GTF2F2: variants seen among roughly 807,000 people sequenced by gnomAD.
The protein encoded by GTF2F2 is general transcription factor IIF subunit 2, also known as ATP-dependent helicase GTF2F2.
In GTF2F2, 23 loss-of-function variants were observed where a neutral mutation model predicts 42.2. The ratio of observed to expected loss-of-function variants is 0.55; its 90% CI spans 0.39 to 0.77. GTF2F2 has a LOEUF of 0.77. GTF2F2 is among the 30% of genes least tolerant of loss of function. The pLI is 0.00. For synonymous variants in GTF2F2, 105 were observed against 100.8 expected, an observed-to-expected ratio of 1.04 and a Z score of -0.25; for missense variants, 261 against 287.2, an observed-to-expected ratio of 0.91 and a Z score of 0.66.
At chr13:45,164,274 T>C (rs1871163096) in intron 4 of GTF2F2, among the ~76,000 whole-genome samples, 1 of 148,328 alleles carries the variant, frequency 6.7e-6, no homozygotes, top group Non-Finnish European at 1.5e-5. Flanking sequence ...AGTGAGACAG[T>C]CTCAAAAAAA....
intron 5 of GTF2F2, among the ~76,000 whole-genome samples, chr13:45,228,164 G>A (rs993647097): frequency 3.3e-5 from 5 of 151,138 alleles, no homozygotes; most frequent in South Asian, 2.1e-4. Context: ...CTCACACACC[G>A]TTCTTCCCTT....
chr13:45,183,488 CTTT>C (rs1255878994), intron 4 of GTF2F2, among the ~76,000 whole-genome samples: 11 of 152,086 alleles, frequency 7.2e-5, no homozygotes, highest in South Asian at 2.1e-4. Flanking sequence ...GGTAAAGGGA[CTTT>C]TTAATTCTTT....
At chr13:45,251,440 G>A (rs1482570163) in intron 5 of GTF2F2, among the ~76,000 whole-genome samples, 2 of 152,004 alleles carry the variant, frequency 1.3e-5, no homozygotes. Flanking sequence ...ACCATCCAAG[G>A]AATTATAGTA....
chr13:45,266,605 G>A lies in GTF2F2; in HGVS notation c.487-628G>A, dbSNP rs140319901. On this transcript the variant is annotated intron_variant, in intron 6 of 7. Coordinates refer to ENST00000340473, the MANE Select transcript of GTF2F2 (RefSeq NM_004128.3). ...AAAAGCACTACACGTTAGAGTTTTC[G>A]ATCAACACAAGATAACCAGTTAACC... 7.0e-4 allele frequency among the ~76,000 whole-genome samples: 107 copies of A among 152,236 alleles called. No individual in the cohort carries two copies. The East Asian group carries it at 0.015, about 22-fold the overall frequency.
At chr13:45,155,335 T>C (rs547109190) in intron 4 of GTF2F2, among the ~76,000 whole-genome samples, 1 of 152,368 alleles carries the variant, frequency 6.6e-6, no homozygotes, top group East Asian at 1.9e-4. Flanking sequence ...TATAGAACTG[T>C]ACCTGCTTTT....
At chr13:45,121,680 A>G (rs939628058) in intron 1 of GTF2F2, among the ~76,000 whole-genome samples, 1 of 152,234 alleles carries the variant, frequency 6.6e-6, no homozygotes, top group South Asian at 2.1e-4. Context: ...ACAGAATCAC[A>G]TTCCATGAGA....
At chr13:45,121,666 A>G (rs928220537) in intron 1 of GTF2F2, among the ~76,000 whole-genome samples, 2 of 152,194 alleles carry the variant, frequency 1.3e-5, no homozygotes, top group African/African-American at 4.8e-5. Flanking sequence ...TGTCTTTCCA[A>G]CACACAGAAT....
intron 6 of GTF2F2, among the ~76,000 whole-genome samples, chr13:45,266,017 C>A (rs756182881): frequency 3.3e-5 from 5 of 152,168 alleles, no homozygotes; most frequent in Non-Finnish European, 7.3e-5. Flanking sequence ...AGTAATAGAA[C>A]AGAACTTGCA....
chr13:45,263,084 G>A (rs887887157), intron 6 of GTF2F2, among the ~76,000 whole-genome samples: 1 of 152,170 alleles, frequency 6.6e-6, no homozygotes, highest in East Asian at 1.9e-4. Flanking sequence ...CAGTCCCTGA[G>A]GACATTAAAG....
At chr13:45,177,517 A>G (rs1436576955) in intron 4 of GTF2F2, among the ~76,000 whole-genome samples, 1 of 152,144 alleles carries the variant, frequency 6.6e-6, no homozygotes, top group Admixed American at 6.5e-5. Context: ...CAGCATACCC[A>G]TGCTGTATAT....
At chr13:45,196,056 T>C (rs547616177) in intron 4 of GTF2F2, among the ~76,000 whole-genome samples, 1 of 152,364 alleles carries the variant, frequency 6.6e-6, no homozygotes, top group East Asian at 1.9e-4. Flanking sequence ...GAAGAGATTC[T>C]TCTAAAATGC....
At chr13:45,124,152 G>A (rs1338140848) in intron 1 of GTF2F2, 8 of 584,898 alleles carry the variant, frequency 1.4e-5, no homozygotes, top group Non-Finnish European at 2.3e-5. Flanking sequence ...GCGCGATCTC[G>A]GCTCACTGCA....
chr13:45,219,599 C>T (rs1034384036), intron 5 of GTF2F2: 7 of 152,116 alleles, frequency 4.6e-5, no homozygotes, highest in African/African-American at 1.7e-4. Flanking sequence ...AATTTCAAAG[C>T]TCCATATTTC....
At chr13:45,269,934 C>T (rs763820957) in intron 7 of GTF2F2, among the ~76,000 whole-genome samples, 8 of 152,186 alleles carry the variant, frequency 5.3e-5, no homozygotes, top group Admixed American at 1.3e-4. Flanking sequence ...CGAGTTCAAG[C>T]GATTCTCCTG....
intron 6 of GTF2F2, among the ~76,000 whole-genome samples, chr13:45,264,336 T>A (rs1236750367): frequency 6.6e-6 from 1 of 151,994 alleles, no homozygotes; most frequent in Non-Finnish European, 1.5e-5. Context: ...GAGTGGAGTG[T>A]AGTGGCACGA....
rs79132255 is a variant in GTF2F2, at chr13:45,256,337, G to A, written c.486+3367G>A. On this transcript the variant is annotated intron_variant, in intron 6 of 7. Transcript: ENST00000340473. ...CAAGTACTTTTTAAATATCTGCTTC[G>A]TGTCTGAGATACATACCCCTGGTGA... Among the ~76,000 whole-genome samples the A allele has an allele frequency of 2.4e-3, 362 of 152,176 alleles. 2 individuals carry two copies. Among genetic ancestry groups the A allele is most frequent in the African/African-American group, 8.3e-3 (343 of 41,540 alleles).
chr13:45,238,683 G>A (rs547158213), intron 5 of GTF2F2, among the ~76,000 whole-genome samples: 2 of 151,898 alleles, frequency 1.3e-5, no homozygotes, highest in South Asian at 2.1e-4. Flanking sequence ...AGTGGCTCAC[G>A]CCTGTAATCC....
At chr13:45,196,671 G>A (rs1237513470) in intron 4 of GTF2F2, among the ~76,000 whole-genome samples, 1 of 152,220 alleles carries the variant, frequency 6.6e-6, no homozygotes, top group East Asian at 1.9e-4. Flanking sequence ...TAGTGATGGA[G>A]ACTGTGCTAG....
At chr13:45,218,914 G>T (rs188189433) in intron 5 of GTF2F2, among the ~76,000 whole-genome samples, 29 of 152,254 alleles carry the variant, frequency 1.9e-4, no homozygotes, top group Admixed American at 1.8e-3. Flanking sequence ...TATCTGTCTT[G>T]CTTGAGACTG....
Sources: allele counts gnomAD v4.1 joint callset (sites outside exome capture counted in the v4.1 genomes callset), GRCh38; gene constraint gnomAD v4.1.1; transcripts MANE v1.5; gene names NCBI Gene and HGNC (gene_info 2026-07-23, HGNC 2026-07-21).